The following SLC24A2 variants were observed in gnomAD, a reference collection of about 807,000 sequenced individuals.
SLC24A2 encodes sodium/potassium/calcium exchanger 2.
SLC24A2 carries 36 observed loss-of-function variants against 62.0 expected under a neutral mutation model. The observed-to-expected ratio is 0.58, with a 90% CI of 0.44 to 0.77. The LOEUF (loss-of-function observed/expected upper bound fraction) is 0.77, where lower values mean the gene tolerates loss of function less well. Ranked by LOEUF, SLC24A2 falls within the 30% of genes least tolerant of loss-of-function variation. The probability of loss-of-function intolerance (pLI) is 0.00; values close to 1 mark genes in which losing one functional copy is unlikely to be tolerated. For missense variants in SLC24A2, 846 were observed against 817.9 expected, an observed-to-expected ratio of 1.03 and a Z score of -0.42; for synonymous variants, 358 against 294.0, an observed-to-expected ratio of 1.22 and a Z score of -2.23.
chr9:19,579,725 T>C (rs777147893), intron 5 of SLC24A2, among the ~76,000 whole-genome samples: 3 of 152,158 alleles, frequency 2.0e-5, no homozygotes, highest in Non-Finnish European at 4.4e-5. Context: ...CCTAAAGTCA[T>C]GAATCATGAC....
the SLC24A2 span, among the ~76,000 whole-genome samples, chr9:20,043,953 T>G: frequency 2.6e-5 from 4 of 152,002 alleles, no homozygotes; most frequent in African/African-American, 4.8e-5. Flanking sequence ...AAAGGAAAAA[T>G]CAATCAATGC....
At chr9:19,550,110 G>T in intron 8 of SLC24A2, 27 bp downstream of exon 8, 2 of 1,609,696 alleles carry the variant, frequency 1.2e-6, no homozygotes, top group South Asian at 1.1e-5. Flanking sequence ...TTTTACAAGG[G>T]AACTATTTTT....
At chr9:20,048,746 TA>T in the SLC24A2 span, among the ~76,000 whole-genome samples, 294 of 146,974 alleles carry the variant, frequency 2.0e-3, no homozygotes, top group South Asian at 4.9e-3. Flanking sequence ...TTTAGTACAT[TA>T]AAAAAAAAAA....
the SLC24A2 span, among the ~76,000 whole-genome samples, chr9:20,295,043 T>C: frequency 6.8e-6 from 1 of 146,138 alleles, no homozygotes; most frequent in Non-Finnish European, 1.5e-5. Flanking sequence ...TATGTATATA[T>C]ATATATATAT....
chr9:20,075,888 T>A, the SLC24A2 span, among the ~76,000 whole-genome samples: 1 of 152,144 alleles, frequency 6.6e-6, no homozygotes, highest in Non-Finnish European at 1.5e-5. Context: ...ATACCAAAAT[T>A]CATGGATACT....
At chr9:19,900,374 A>C in the SLC24A2 span, among the ~76,000 whole-genome samples, 1 of 152,244 alleles carries the variant, frequency 6.6e-6, no homozygotes, top group Non-Finnish European at 1.5e-5. Flanking sequence ...ACAAAGCCTG[A>C]CAGATATCTA....
At chr9:19,603,410 G>T (rs184213683) in intron 4 of SLC24A2, among the ~76,000 whole-genome samples, 1 of 152,150 alleles carries the variant, frequency 6.6e-6, no homozygotes, top group Non-Finnish European at 1.5e-5. Context: ...AAGGATTTAT[G>T]AAGTGCTGTG....
chr9:20,163,708 A>C, the SLC24A2 span, among the ~76,000 whole-genome samples: 2 of 152,194 alleles, frequency 1.3e-5, no homozygotes, highest in Non-Finnish European at 2.9e-5. Context: ...AGCTGGAGGC[A>C]TCATGCTACC....
At chr9:19,648,167 T>A (rs1416757677) in intron 2 of SLC24A2, among the ~76,000 whole-genome samples, 1 of 152,188 alleles carries the variant, frequency 6.6e-6, no homozygotes, top group African/African-American at 2.4e-5. Context: ...AGGTAGATAT[T>A]ATTATCTTCA....
the SLC24A2 span, among the ~76,000 whole-genome samples, chr9:20,247,079 G>A: frequency 6.6e-6 from 1 of 152,192 alleles, no homozygotes; most frequent in African/African-American, 2.4e-5. Context: ...AGCACCTTCT[G>A]CTAAGTGCCT....
At chr9:20,244,445 C>A in the SLC24A2 span, among the ~76,000 whole-genome samples, 1 of 152,174 alleles carries the variant, frequency 6.6e-6, no homozygotes, top group Non-Finnish European at 1.5e-5. Context: ...GCAGAGGACC[C>A]GCCCAGCCCC....
intron 8 of SLC24A2, among the ~76,000 whole-genome samples, chr9:19,535,829 C>A (rs567704769): frequency 6.6e-6 from 1 of 152,132 alleles, no homozygotes; most frequent in African/African-American, 2.4e-5. Flanking sequence ...TATACAGGCT[C>A]TTTTTTGGTT....
chr9:19,638,372 C>A, intron 2 of SLC24A2, among the ~76,000 whole-genome samples: 1 of 152,142 alleles, frequency 6.6e-6, no homozygotes, highest in East Asian at 1.9e-4. Flanking sequence ...TTGAATTTAC[C>A]TTTATTGCCA....
At chr9:20,110,732 A>T in the SLC24A2 span, among the ~76,000 whole-genome samples, 54 of 152,318 alleles carry the variant, frequency 3.5e-4, 1 homozygote, top group African/African-American at 1.3e-3. Flanking sequence ...AAAAATGTTG[A>T]TCCAATGAAA....
At chr9:20,031,409 G>A in the SLC24A2 span, among the ~76,000 whole-genome samples, 4 of 145,620 alleles carry the variant, frequency 2.7e-5, no homozygotes, top group Admixed American at 1.4e-4. Flanking sequence ...GTGTGTGTGC[G>A]CATATGTGCA....
At chr9:19,687,462 C>G (rs376503097) in intron 2 of SLC24A2, among the ~76,000 whole-genome samples, 8 of 152,178 alleles carry the variant, frequency 5.3e-5, no homozygotes, top group South Asian at 4.1e-4. Context: ...AGCAAACAGA[C>G]AAATTCCTTT....
At chr9:19,709,469 G>A (rs532495073) in intron 2 of SLC24A2, among the ~76,000 whole-genome samples, 78 of 151,964 alleles carry the variant, frequency 5.1e-4, no homozygotes, top group African/African-American at 1.7e-3. Context: ...TGTTTATTGC[G>A]GCACTATTCA....
chr9:19,885,081 T>C, the SLC24A2 span, among the ~76,000 whole-genome samples: 1 of 152,188 alleles, frequency 6.6e-6, no homozygotes, highest in Non-Finnish European at 1.5e-5. Flanking sequence ...AGCTTTATCC[T>C]TGTGAGTGTC....
At chr9:19,785,192 A>C (rs1008384071) in intron 2 of SLC24A2, among the ~76,000 whole-genome samples, 1 of 152,244 alleles carries the variant, frequency 6.6e-6, no homozygotes, top group African/African-American at 2.4e-5. Context: ...GCTCTTTACC[A>C]ATCTGCTTTC....
Sources: allele counts gnomAD v4.1 joint callset (sites outside exome capture counted in the v4.1 genomes callset), GRCh38; gene constraint gnomAD v4.1.1; transcripts MANE v1.5; gene names NCBI Gene and HGNC (gene_info 2026-07-23, HGNC 2026-07-21).